The following RTN4RL2 variants were observed in gnomAD, a reference collection of about 807,000 sequenced individuals.
RTN4RL2 encodes the protein reticulon-4 receptor-like 2.
RTN4RL2 carries 9 observed loss-of-function variants against 27.8 expected under a neutral mutation model. The observed-to-expected ratio is 0.32, with a 90% confidence interval of 0.20 to 0.57. RTN4RL2 has a LOEUF of 0.57. RTN4RL2 is among the 20% of genes least tolerant of loss of function. RTN4RL2 has a pLI of 0.90. For synonymous variants in RTN4RL2, 285 were observed against 297.9 expected, an observed-to-expected ratio of 0.96 and a Z score of 0.45; for missense variants, 436 against 596.8, an observed-to-expected ratio of 0.73 and a Z score of 2.81.
At chr11:57,464,297 G>A (rs983141441) in intron 1 of RTN4RL2, among the ~76,000 whole-genome samples, 5 of 152,218 alleles carry the variant, frequency 3.3e-5, no homozygotes, top group Non-Finnish European at 5.9e-5. Flanking sequence ...CTCAAGGCCG[G>A]AAGGAACCCT....
chr11:57,472,329 T>C (rs1180057973), intron 2 of RTN4RL2, among the ~76,000 whole-genome samples: 2 of 152,044 alleles, frequency 1.3e-5, no homozygotes. Context: ...TCCCCCATCT[T>C]AGCCTCCCCA....
Position 57,467,556 on chromosome 11 carries a change from G to A in RTN4RL2, c.32-53G>A. 1 of 1,547,338 alleles carries A rather than the reference G, an allele frequency of 6.5e-7. No homozygotes were observed. Among genetic ancestry groups the A allele is most frequent in the Non-Finnish European group, 8.7e-7 (1 of 1,148,476 alleles). On this transcript the variant is annotated intron_variant, in intron 1 of 2. Transcript: ENST00000335099. The surrounding 1 kb of genome is among the most constrained non-coding windows in gnomAD (Gnocchi z 5.5). ...CAAGTTGGGGGGCTGGCCCCCAGCT[G>A]GCACTCCTGCCCTGGAAGCCCACCT...
At chr11:57,468,509 T>A in intron 2 of RTN4RL2, 2 of 1,478,472 alleles carry the variant, frequency 1.4e-6, no homozygotes, top group Middle Eastern at 3.4e-4. Context: ...TGTGTATCTG[T>A]CTCTTTCTGT....
intron 2 of RTN4RL2, among the ~76,000 whole-genome samples, chr11:57,471,764 G>A (rs762490256): frequency 8.4e-4 from 128 of 152,376 alleles, no homozygotes; most frequent in Non-Finnish European, 1.5e-3. Flanking sequence ...AATGTTCCAG[G>A]TGCCAGGGAT....
At position 57,467,549 on chromosome 11, in the gene RTN4RL2, C is replaced by T. The variant is rs781162874; in HGVS notation, c.32-60C>T. 50 of 1,543,668 alleles carry T rather than the reference C, an allele frequency of 3.2e-5. No individual in the cohort carries two copies. Among genetic ancestry groups the T allele is most frequent in the Non-Finnish European group, 4.1e-5 (47 of 1,147,336 alleles). On this transcript the variant is annotated intron_variant, in intron 1 of 2. Coordinates refer to ENST00000335099, the MANE Select transcript of RTN4RL2 (RefSeq NM_178570.3). This position sits in a 1 kb window ranked among gnomAD's most constrained non-coding sequence, Gnocchi z 5.5. The stretch of plus-strand genomic sequence containing the variant: ...CTTTTACCAAGTTGGGGGGCTGGCC[C>T]CCAGCTGGCACTCCTGCCCTGGAAG...
At chr11:57,468,302 C>T (rs1049812690) in intron 2 of RTN4RL2, among the ~76,000 whole-genome samples, 1 of 151,996 alleles carries the variant, frequency 6.6e-6, no homozygotes, top group African/African-American at 2.4e-5. Flanking sequence ...CTGTTTAGGT[C>T]CCTTGCTGTT....
chr11:57,468,796 G>A, intron 2 of RTN4RL2: 3 of 1,446,504 alleles, frequency 2.1e-6, no homozygotes, highest in Non-Finnish European at 2.8e-6. Flanking sequence ...GTAAATCTCT[G>A]TTATGCAGCT....
At chr11:57,468,492 C>A in intron 2 of RTN4RL2, 1 of 1,363,348 alleles carries the variant, frequency 7.3e-7, no homozygotes, top group Non-Finnish European at 1.0e-6. Context: ...CCATGTCTGT[C>A]TGCGTGTGTG....
chr11:57,461,445 T>C (rs1286303208), intron 1 of RTN4RL2, among the ~76,000 whole-genome samples: 1 of 10,546 alleles, frequency 9.5e-5, no homozygotes, highest in Non-Finnish European at 1.8e-4. Context: ...GGGGGTGGGG[T>C]GGGGAGGGGT....
chr11:57,462,226 A>G (rs1943490380), intron 1 of RTN4RL2, among the ~76,000 whole-genome samples: 1 of 152,008 alleles, frequency 6.6e-6, no homozygotes, highest in African/African-American at 2.4e-5. Context: ...GGGGTGTTAC[A>G]TTCTGGCAGA....
In RTN4RL2 at chr11:57,476,857, C is replaced by T; in HGVS notation, c.1209C>T (p.Ala403=). Residue 403 remains alanine (A), a synonymous_variant, in exon 3 of 3, where the codon GCC becomes GCT. Transcript: ENST00000335099. The surrounding 1 kb of genome is among the most constrained non-coding windows in gnomAD (Gnocchi z 8.2). ...PPDSRGPALS[A]GLPSPLLCLL... ...ACTCCCGAGGCCCTGCGCTCTCGGC[C>T]GGGCTCCCCAGCCCTCTGCTTTGCC... The T allele has an allele frequency of 6.4e-7, 1 of 1,574,630 alleles. No homozygotes were observed. Among genetic ancestry groups the T allele is most frequent in the Non-Finnish European group, 8.6e-7 (1 of 1,166,470 alleles).
In RTN4RL2 at chr11:57,469,012, G is replaced by T. The variant is rs1422612101; in HGVS notation, c.513+922G>T. 5 of 625,070 alleles carry T rather than the reference G, an allele frequency of 8.0e-6. No homozygotes were observed. The East Asian group carries it at 8.2e-5, about 10-fold the overall frequency. 38.7% of individuals were successfully genotyped at this position (625,070 alleles called of 1,614,324 possible). ...TGGCTACAGAGCCTCCGGCTGGAAGGGGGTGAAAATATCCAAATTCTGCCC... is the reference window on the plus strand; with the variant it reads ...TGGCTACAGAGCCTCCGGCTGGAAGTGGGTGAAAATATCCAAATTCTGCCC... On this transcript the variant is annotated intron_variant, in intron 2 of 2. Transcript: ENST00000335099.
At chr11:57,468,350 C>T (rs896320167) in intron 2 of RTN4RL2, among the ~76,000 whole-genome samples, 3 of 152,094 alleles carry the variant, frequency 2.0e-5, no homozygotes, top group Non-Finnish European at 4.4e-5. Context: ...ACAACCTTCA[C>T]CTCTCTGCCT....
rs1943474842 is a variant in RTN4RL2 at position 57,460,553 on chromosome 11, C to G, written c.-313C>G. ...ACTCTCCCTCGGCTAGCAGCCTGGG[C>G]ACACGGACAGACGGACTGACGGACT... On this transcript the variant is annotated 5_prime_UTR_variant, in exon 1 of 3. Transcript: ENST00000335099. 1 of 163,402 alleles carries G rather than the reference C, an allele frequency of 6.1e-6. No homozygotes were observed. The highest frequency in any genetic ancestry group is 1.3e-5 in the Non-Finnish European group (1 of 75,324). The allele number at this position is 163,402 out of a possible 1,614,324, so 10.1% of individuals were successfully genotyped here. A position where few individuals can be genotyped will look rare whatever the true frequency, so the allele number is the denominator to read the frequency against.
intron 1 of RTN4RL2, among the ~76,000 whole-genome samples, chr11:57,462,971 C>T (rs899280022): frequency 6.6e-6 from 1 of 152,262 alleles, no homozygotes; most frequent in Non-Finnish European, 1.5e-5. Flanking sequence ...TGGCCCAGCC[C>T]TAGGCACCTG....
intron 1 of RTN4RL2, 128 bp downstream of exon 1, chr11:57,461,024 G>C: frequency 1.9e-6 from 1 of 522,856 alleles, no homozygotes; most frequent in Non-Finnish European, 3.1e-6. Flanking sequence ...AAAGCTCAGC[G>C]CTGGGGCCGC....
chr11:57,467,611 CCCGCCTCGG>C lies in RTN4RL2; in HGVS notation c.37_45del (p.Ala13_Ala15del). The C allele has an allele frequency of 6.2e-7, 1 of 1,603,704 alleles. No homozygotes were observed. Among genetic ancestry groups the C allele is most frequent in the South Asian group, 1.1e-5 (1 of 90,078 alleles). On this transcript the variant is annotated inframe_deletion, in exon 2 of 3. Transcript: ENST00000335099. This position sits in a 1 kb window ranked among gnomAD's most constrained non-coding sequence, Gnocchi z 5.5. ...AGTTCTGCTTCCCCTCCCCACAGCT[CCCGCCTCGG>C]CCTGCCTCCTGCTGATGCTCCTGGC...
intron 1 of RTN4RL2, among the ~76,000 whole-genome samples, chr11:57,465,236 G>A (rs111742277): frequency 6.6e-6 from 1 of 152,214 alleles, no homozygotes; most frequent in Non-Finnish European, 1.5e-5. Context: ...ACACCTGGCT[G>A]AGCAGCACTG....
chr11:57,476,767 C>G lies in RTN4RL2; in HGVS notation c.1119C>G (p.Gly373=). 1 of 1,478,176 alleles carries G rather than the reference C, an allele frequency of 6.8e-7. No individual in the cohort carries two copies. Among genetic ancestry groups the G allele is most frequent in the Non-Finnish European group, 8.9e-7 (1 of 1,121,856 alleles). 91.6% of individuals were successfully genotyped at this position (1,478,176 alleles called of 1,614,324 possible). ...DAPTEDDYWG[G]YGGEDQRGEQ... is the part of the protein sequence containing the mutation. ...CTACTGAGGACGACTACTGGGGGGG[C>G]TACGGGGGTGAGGACCAGCGAGGGG... Residue 373 remains glycine (G), a synonymous_variant, in exon 3 of 3, where the codon GGC becomes GGG. Coordinates refer to ENST00000335099, the MANE Select transcript of RTN4RL2 (RefSeq NM_178570.3). The surrounding 1 kb of genome is among the most constrained non-coding windows in gnomAD (Gnocchi z 8.2).
Sources: gnomAD v4.1 joint callset for allele counts (sites outside exome capture counted in the v4.1 genomes callset) on GRCh38, gnomAD v4.1.1 for gene constraint, Gnocchi (gnomAD v3.1) non-coding constraint, MANE v1.5 for transcripts, NCBI Gene and HGNC (gene_info 2026-07-23, HGNC 2026-07-21) for gene names.